The following KAT6A variants were observed in gnomAD, a reference collection of about 807,000 sequenced individuals.
The protein encoded by KAT6A is lysine acetyltransferase 6A.
A neutral mutation model predicts 198.4 loss-of-function variants in KAT6A; 9 were observed. The observed-to-expected ratio is 0.05, with a 90% CI of 0.03 to 0.08. The LOEUF (loss-of-function observed/expected upper bound fraction) is 0.08, where lower values mean the gene tolerates loss of function less well. Ranked by LOEUF, KAT6A falls within the 10% of genes least tolerant of loss-of-function variation. The pLI, the probability that KAT6A is intolerant of heterozygous loss-of-function variation, is 1.00. For missense variants in KAT6A, 2,077 were observed against 2,509.9 expected, an observed-to-expected ratio of 0.83 and a Z score of 3.69; for synonymous variants, 890 against 883.0, an observed-to-expected ratio of 1.01 and a Z score of -0.14.
At chr8:42,028,887 T>C (rs550032875) in intron 2 of KAT6A, among the ~76,000 whole-genome samples, 6 of 152,308 alleles carry the variant, frequency 3.9e-5, no homozygotes, top group Non-Finnish European at 7.3e-5. Context: ...TCTGCTCTTC[T>C]AGTGAGTTTT....
chr8:42,009,614 T>C (rs1347109084), intron 2 of KAT6A, among the ~76,000 whole-genome samples: 1 of 151,914 alleles, frequency 6.6e-6, no homozygotes, highest in Non-Finnish European at 1.5e-5. Context: ...ACATCCTTTG[T>C]CAGGCCAGGT....
intron 8 of KAT6A, among the ~76,000 whole-genome samples, chr8:41,970,793 T>C (rs1230870633): frequency 1.3e-5 from 2 of 152,306 alleles, no homozygotes; most frequent in East Asian, 3.9e-4. Context: ...TGCGGCACTA[T>C]TCACAATAGC....
chr8:42,047,354 T>C (rs1287031168), intron 2 of KAT6A, among the ~76,000 whole-genome samples: 5 of 152,184 alleles, frequency 3.3e-5, no homozygotes, highest in African/African-American at 4.8e-5. Flanking sequence ...TACAATAACA[T>C]CCTAAAACAC....
At chr8:41,986,705 A>C (rs1824623729) in intron 3 of KAT6A, among the ~76,000 whole-genome samples, 1 of 152,208 alleles carries the variant, frequency 6.6e-6, no homozygotes, top group South Asian at 2.1e-4. Context: ...TCAAATTAAA[A>C]TACAGTCATG....
Position 42,043,088 on chromosome 8 carries a change from TA to T in KAT6A, c.600+5289del. Among the ~76,000 whole-genome samples, 2 of 152,308 alleles carry T rather than the reference TA, an allele frequency of 1.3e-5. 1 individual carries two copies. The highest frequency in any genetic ancestry group is 6.8e-3 in the Middle Eastern group (2 of 294). ...TGTAAAAAAATTACAGTTCATAAAC[TA>T]AAAAAGGCTTTCAAAAAATTTATTT... On this transcript the variant is annotated intron_variant, in intron 2 of 16. Coordinates refer to ENST00000265713, the MANE Select transcript of KAT6A (RefSeq NM_006766.5).
At position 41,937,406 on chromosome 8, in the gene KAT6A, C is replaced by T. The variant is rs187168141; in HGVS notation, c.3202G>A (p.Asp1068Asn). Residue 1068 changes from aspartate (D) to asparagine (N), a missense_variant, in exon 16 of 17, where the codon GAT becomes AAT. Asp to Asn is a conservative substitution (Grantham distance 23, BLOSUM62 1). Coordinates refer to ENST00000265713, the MANE Select transcript of KAT6A (RefSeq NM_006766.5). ...TCATCCTCTTCCTCCTCTTCTTCAT[C>T]GATCTCAAACGTGGGTTCTAATCTT... The part of the protein sequence containing the change: ...MPRLEPTFEI[D>N]EEEEEEDENE... The T allele has an allele frequency of 1.7e-4, 277 of 1,614,118 alleles. 4 individuals are homozygous for T. In the South Asian group the frequency reaches 2.4e-3, roughly 14 times the overall value.
intron 14 of KAT6A, 37 bp downstream of exon 14, chr8:41,942,756 T>TTCTCAA: frequency 6.2e-7 from 1 of 1,601,572 alleles, no homozygotes; most frequent in Non-Finnish European, 8.5e-7. Flanking sequence ...AAAATATATC[T>TTCTCAA]TCTGTCATCA....
chr8:41,964,484 G>A (rs892259219), intron 8 of KAT6A, among the ~76,000 whole-genome samples: 1 of 151,934 alleles, frequency 6.6e-6, no homozygotes, highest in Non-Finnish European at 1.5e-5. Flanking sequence ...TCCCTAATCT[G>A]AAAATCTGAA....
intron 2 of KAT6A, among the ~76,000 whole-genome samples, chr8:41,987,830 T>C (rs571665656): frequency 6.6e-6 from 1 of 152,302 alleles, no homozygotes; most frequent in East Asian, 1.9e-4. Flanking sequence ...AATGATACAG[T>C]GTGGATTTTA....
chr8:42,009,919 AAAAAAC>A (rs1825940838), intron 2 of KAT6A, among the ~76,000 whole-genome samples: 1 of 144,160 alleles, frequency 6.9e-6, no homozygotes, highest in African/African-American at 2.8e-5. Context: ...AAAAAACAAA[AAAAAAC>A]AAAACCACAA....
At chr8:41,955,272 G>A (rs754880033) in intron 9 of KAT6A, 24 bp downstream of exon 9, 1 of 1,378,720 alleles carries the variant, frequency 7.3e-7, no homozygotes, top group South Asian at 1.2e-5. Context: ...CAAAACAGAA[G>A]GTCAAGGGTC....
intron 2 of KAT6A, among the ~76,000 whole-genome samples, chr8:42,016,715 A>C (rs1467885675): frequency 6.6e-6 from 1 of 152,192 alleles, no homozygotes; most frequent in Non-Finnish European, 1.5e-5. Context: ...TAAAGAGAGG[A>C]GGGAGATAGA....
At chr8:41,957,775 C>T (rs1822995771) in intron 8 of KAT6A, 1 of 154,556 alleles carries the variant, frequency 6.5e-6, no homozygotes, top group African/African-American at 2.4e-5. Context: ...TTTATTACCA[C>T]CAGTTTATAT....
chr8:41,972,547 T>C (rs1823848831), intron 8 of KAT6A, among the ~76,000 whole-genome samples: 2 of 152,188 alleles, frequency 1.3e-5, no homozygotes, highest in African/African-American at 4.8e-5. Flanking sequence ...AGCACACCTG[T>C]GGAATTTTCT....
intron 2 of KAT6A, among the ~76,000 whole-genome samples, chr8:42,008,465 G>C (rs939447703): frequency 2.6e-5 from 4 of 152,056 alleles, no homozygotes; most frequent in Non-Finnish European, 5.9e-5. Context: ...ATCCTCCCAA[G>C]TAGCTGGGAT....
intron 5 of KAT6A, among the ~76,000 whole-genome samples, chr8:41,979,227 C>T (rs751648756): frequency 6.6e-5 from 10 of 152,170 alleles, no homozygotes; most frequent in Non-Finnish European, 1.2e-4. Flanking sequence ...GAGATTGCAC[C>T]ACTGCATTCC....
chr8:41,998,272 GA>G (rs1328701989), intron 2 of KAT6A, among the ~76,000 whole-genome samples: 1 of 152,114 alleles, frequency 6.6e-6, no homozygotes, highest in Non-Finnish European at 1.5e-5. Flanking sequence ...CCTTCTGGAA[GA>G]ATCTCTGCAA....
At chr8:42,035,912 G>A (rs896840545) in intron 2 of KAT6A, among the ~76,000 whole-genome samples, 3 of 152,174 alleles carry the variant, frequency 2.0e-5, no homozygotes, top group Non-Finnish European at 4.4e-5. Context: ...GAGCGAGAAA[G>A]ATGATAGAGT....
At chr8:41,971,290 T>TAAATTC (rs1823783600) in intron 8 of KAT6A, among the ~76,000 whole-genome samples, 1 of 151,056 alleles carries the variant, frequency 6.6e-6, no homozygotes, top group Admixed American at 6.6e-5. Flanking sequence ...ATAAAAAATT[T>TAAATTC]AAATTCAAGA....
Sources: gnomAD v4.1 joint callset for allele counts (sites outside exome capture counted in the v4.1 genomes callset) on GRCh38, gnomAD v4.1.1 for gene constraint, MANE v1.5 for transcripts, NCBI Gene and HGNC (gene_info 2026-07-23, HGNC 2026-07-21) for gene names.